Variants in RSU1 observed in about 807,000 individuals in gnomAD.
RSU1 encodes the protein rsu-1.
A neutral mutation model predicts 31.1 loss-of-function variants in RSU1; 26 were observed. The ratio of observed to expected loss-of-function variants is 0.84; its 90% CI spans 0.61 to 1.16. RSU1 has a LOEUF of 1.16. Among genes scored for constraint, RSU1 ranks in the 50% most tolerant of loss-of-function variants. The probability of loss-of-function intolerance (pLI) is 0.00; values close to 1 mark genes in which losing one functional copy is unlikely to be tolerated. For synonymous variants in RSU1, 164 were observed against 136.3 expected, an observed-to-expected ratio of 1.20 and a Z score of -1.41; for missense variants, 320 against 339.1, an observed-to-expected ratio of 0.94 and a Z score of 0.44.
chr10:16,611,818 A>G (rs1833895404), intron 8 of RSU1, among the ~76,000 whole-genome samples: 1 of 152,180 alleles, frequency 6.6e-6, no homozygotes, highest in Non-Finnish European at 1.5e-5. Flanking sequence ...CCAGAGAGCG[A>G]GAGAGAGTGA....
At chr10:16,681,632 T>C (rs954743970) in intron 8 of RSU1, among the ~76,000 whole-genome samples, 1 of 152,162 alleles carries the variant, frequency 6.6e-6, no homozygotes, top group Non-Finnish European at 1.5e-5. Context: ...TTAGAAATCA[T>C]TGCTGGGACG....
At chr10:16,727,439 A>C (rs1185187639) in intron 7 of RSU1, among the ~76,000 whole-genome samples, 1 of 152,196 alleles carries the variant, frequency 6.6e-6, no homozygotes, top group African/African-American at 2.4e-5. Flanking sequence ...CATTTCCCTC[A>C]GAAACAGCAG....
intron 8 of RSU1, among the ~76,000 whole-genome samples, chr10:16,627,792 G>A (rs897845857): frequency 4.8e-5 from 7 of 147,214 alleles, no homozygotes; most frequent in South Asian, 2.2e-4. Context: ...AGAAGTAACC[G>A]AATTATGGTA....
intron 8 of RSU1, among the ~76,000 whole-genome samples, chr10:16,652,842 G>A (rs1834711133): frequency 6.6e-6 from 1 of 151,588 alleles, no homozygotes; most frequent in Non-Finnish European, 1.5e-5. Flanking sequence ...CACCATGCCT[G>A]GCTACATTTT....
chr10:16,788,455 G>A (rs918046783), intron 2 of RSU1, among the ~76,000 whole-genome samples: 3 of 152,190 alleles, frequency 2.0e-5, no homozygotes, highest in Non-Finnish European at 2.9e-5. Context: ...GAGGAGACAT[G>A]TGAGACACGA....
intron 7 of RSU1, among the ~76,000 whole-genome samples, chr10:16,725,615 G>A (rs1296856364): frequency 6.6e-6 from 1 of 151,746 alleles, no homozygotes; most frequent in Non-Finnish European, 1.5e-5. Context: ...CATTCCTCTT[G>A]CCCTTCTGCC....
intron 3 of RSU1, among the ~76,000 whole-genome samples, chr10:16,770,289 G>A (rs371731049): frequency 6.6e-6 from 1 of 152,110 alleles, no homozygotes; most frequent in Non-Finnish European, 1.5e-5. Context: ...TGCAGCCCAC[G>A]GGAGGGTCAG....
chr10:16,731,586 A>G (rs1245632127), intron 7 of RSU1, among the ~76,000 whole-genome samples: 1 of 152,244 alleles, frequency 6.6e-6, no homozygotes, highest in Non-Finnish European at 1.5e-5. Flanking sequence ...AAATGGGTCT[A>G]GAATTAACAC....
At chr10:16,742,912 C>T (rs577430593) in intron 7 of RSU1, among the ~76,000 whole-genome samples, 3 of 152,272 alleles carry the variant, frequency 2.0e-5, no homozygotes, top group Non-Finnish European at 4.4e-5. Context: ...ATGCTGAAAA[C>T]ATTTTCTGGG....
intron 8 of RSU1, among the ~76,000 whole-genome samples, chr10:16,643,492 C>G (rs1342789714): frequency 6.6e-6 from 1 of 151,990 alleles, no homozygotes; most frequent in African/African-American, 2.4e-5. Context: ...AGGTTAGAAA[C>G]AAGTATATTG....
intron 8 of RSU1, among the ~76,000 whole-genome samples, chr10:16,616,371 CAAAAAAAAAAAA>C (rs529296931): frequency 2.2e-5 from 2 of 90,948 alleles, no homozygotes; most frequent in Admixed American, 1.3e-4. Context: ...GCCTACCAAC[CAAAAAAAAAAAA>C]AAAAAAAAAA....
Position 16,593,392 on chromosome 10 carries a change from C to A in RSU1, c.*2G>T. On this transcript the variant is annotated 3_prime_UTR_variant, in exon 9 of 9. Transcript: ENST00000345264. ...GAAGGCCAGCCGATGCCAATCCCTT[C>A]CTTATCTGTTCTTGGCTGCCAGGGG... The A allele has an allele frequency of 6.2e-7, 1 of 1,614,062 alleles. No homozygotes were observed.
At chr10:16,608,957 C>G (rs1482159047) in intron 8 of RSU1, among the ~76,000 whole-genome samples, 1 of 152,088 alleles carries the variant, frequency 6.6e-6, no homozygotes. Context: ...CTCAGCCTCC[C>G]AAAGTGCTGG....
intron 7 of RSU1, among the ~76,000 whole-genome samples, chr10:16,733,107 CATT>C (rs1836548223): frequency 6.6e-6 from 1 of 152,066 alleles, no homozygotes; most frequent in South Asian, 2.1e-4. Flanking sequence ...CAGCCATCAT[CATT>C]ACTAGGCAAA....
At chr10:16,661,283 A>AGTGCGT (rs1387496493) in intron 8 of RSU1, among the ~76,000 whole-genome samples, 1 of 115,834 alleles carries the variant, frequency 8.6e-6, no homozygotes, top group East Asian at 2.5e-4. Flanking sequence ...ATATGTAGAG[A>AGTGCGT]GTGCGTGTGT....
At chr10:16,614,091 T>C (rs114517109) in intron 8 of RSU1, among the ~76,000 whole-genome samples, 88 of 152,288 alleles carry the variant, frequency 5.8e-4, no homozygotes, top group African/African-American at 2.0e-3. Context: ...TATATAACCC[T>C]AACATTTAGG....
At chr10:16,655,120 T>C (rs542844212) in intron 8 of RSU1, among the ~76,000 whole-genome samples, 1 of 142,236 alleles carries the variant, frequency 7.0e-6, no homozygotes, top group Non-Finnish European at 1.5e-5. Flanking sequence ...TTCAATAAAA[T>C]AAGTGAAATG....
intron 8 of RSU1, among the ~76,000 whole-genome samples, chr10:16,671,531 C>T (rs61842275): frequency 0.095 from 14,483 of 152,052 alleles, 1,317 homozygotes; most frequent in African/African-American, 0.23. Context: ...TCACTGTATC[C>T]TTAATCTCCT....
chr10:16,592,072 G>A lies in RSU1; in HGVS notation c.*1322C>T, dbSNP rs1410264763. 12 of 150,528 alleles carry A rather than the reference G, an allele frequency of 8.0e-5. No homozygotes were observed. Among genetic ancestry groups the A allele is most frequent in the Non-Finnish European group, 5.9e-5 (4 of 68,030 alleles). The allele number at this position is 150,528 out of a possible 1,614,324, so 9.3% of individuals were successfully genotyped here. On this transcript the variant is annotated 3_prime_UTR_variant, in exon 9 of 9. Coordinates refer to ENST00000345264, the MANE Select transcript of RSU1 (RefSeq NM_012425.4). ...AACTTGTTGTTTGATTTTGATTTTT[G>A]ACTTTTTTATATGCCCCAGTGGGTC...
Sources: gnomAD v4.1 joint callset for allele counts (sites outside exome capture counted in the v4.1 genomes callset) on GRCh38, gnomAD v4.1.1 for gene constraint, MANE v1.5 for transcripts, NCBI Gene and HGNC (gene_info 2026-07-23, HGNC 2026-07-21) for gene names.